NCAPG2: variants seen among roughly 807,000 people sequenced by gnomAD.
The protein encoded by NCAPG2 is non-SMC condensin II complex subunit G2, also known as condensin-2 complex subunit G2.
In NCAPG2, 53 loss-of-function variants were observed where a neutral mutation model predicts 141.1. The ratio of observed to expected loss-of-function variants is 0.38; its 90% CI spans 0.30 to 0.47. NCAPG2 has a LOEUF of 0.47. NCAPG2 is among the 20% of genes least tolerant of loss of function. The pLI, the probability that NCAPG2 is intolerant of heterozygous loss-of-function variation, is 0.99. For missense variants in NCAPG2, 1,087 were observed against 1,389.0 expected (o/e 0.78, Z 3.46); for synonymous variants, 499 against 490.7 (o/e 1.02, Z -0.22).
At chr7:158,692,231 C>G (rs1835159966) in intron 4 of NCAPG2, among the ~76,000 whole-genome samples, 1 of 152,090 alleles carries the variant, frequency 6.6e-6, no homozygotes, top group African/African-American at 2.4e-5. Context: ...AGCTAGAGGC[C>G]AGGAGGTCAG....
intron 4 of NCAPG2, among the ~76,000 whole-genome samples, 196 bp from the exon 5 acceptor site, chr7:158,690,918 C>T (rs950431439): frequency 1.3e-5 from 2 of 151,976 alleles, no homozygotes; most frequent in Non-Finnish European, 2.9e-5. Context: ...AACTGTTTGA[C>T]GATTGTTATA....
chr7:158,654,506 A>C (rs1349149886), intron 22 of NCAPG2, 89 bp downstream of exon 22: 1 of 1,285,244 alleles, frequency 7.8e-7, no homozygotes, highest in Non-Finnish European at 1.1e-6. Context: ...GTCACTTAAA[A>C]GTGAGAGTTC....
chr7:158,653,897 C>A (rs1390026794), intron 22 of NCAPG2, among the ~76,000 whole-genome samples: 1 of 152,178 alleles, frequency 6.6e-6, no homozygotes, highest in African/African-American at 2.4e-5. Flanking sequence ...GTCAGCTACA[C>A]CACAGAAGCG....
At chr7:158,704,587 C>G (rs571042754) in intron 1 of NCAPG2, 137 bp downstream of exon 1, 3 of 152,724 alleles carry the variant, frequency 2.0e-5, no homozygotes, top group South Asian at 2.0e-4. Context: ...CAGCACTGCC[C>G]GCACGCAGGT....
At chr7:158,660,876 G>C (rs1832442566) in intron 16 of NCAPG2, among the ~76,000 whole-genome samples, 1 of 152,086 alleles carries the variant, frequency 6.6e-6, no homozygotes, top group Admixed American at 6.5e-5. Context: ...TCTTATGGTA[G>C]TAAGTCTCAC....
chr7:158,636,824 G>A (rs1029277029), intron 27 of NCAPG2, among the ~76,000 whole-genome samples: 1 of 152,122 alleles, frequency 6.6e-6, no homozygotes, highest in African/African-American at 2.4e-5. Context: ...TGTGCCTGAT[G>A]GACCATTTAC....
chr7:158,681,422 T>C (rs997091252), intron 9 of NCAPG2, among the ~76,000 whole-genome samples: 1 of 152,212 alleles, frequency 6.6e-6, no homozygotes, highest in East Asian at 1.9e-4. Flanking sequence ...CAAAATTCTT[T>C]GTAGCCTCAT....
chr7:158,697,526 G>A (rs1405940082), intron 2 of NCAPG2, among the ~76,000 whole-genome samples: 4 of 151,894 alleles, frequency 2.6e-5, no homozygotes, highest in Admixed American at 6.6e-5. Context: ...ACTTGAACCC[G>A]GGAGGCGGAG....
intron 19 of NCAPG2, 107 bp downstream of exon 19, chr7:158,656,153 T>A (rs890908911): frequency 7.2e-7 from 1 of 1,385,012 alleles, no homozygotes; most frequent in Non-Finnish European, 9.9e-7. Flanking sequence ...CTCAATTCTG[T>A]TCCAGCCAGA....
intron 16 of NCAPG2, among the ~76,000 whole-genome samples, chr7:158,660,514 G>A (rs1029802957): frequency 2.0e-5 from 3 of 149,922 alleles, no homozygotes; most frequent in Non-Finnish European, 4.4e-5. Flanking sequence ...CAAACTCTGG[G>A]CTCAAGCAAT....
In NCAPG2 at chr7:158,663,507, G is replaced by GAT. The variant is rs200967411; in HGVS notation, c.1815+676_1815+677insAT. Among the ~76,000 whole-genome samples, 520 of 152,354 alleles carry GAT rather than the reference G, an allele frequency of 3.4e-3. 10 individuals carry two copies. In the East Asian group the frequency reaches 0.042, roughly 12 times the overall value. ...GAGAAAGCACCATGGGGCATGAGCA[G>GAT]GGCCTGGGTGAGCCATCTGCTGCCC... On this transcript the variant is annotated intron_variant, in intron 15 of 27. Coordinates refer to ENST00000356309, the MANE Select transcript of NCAPG2 (RefSeq NM_017760.7).
chr7:158,702,121 T>TA, intron 1 of NCAPG2, 183 bp from the exon 2 acceptor site: 1 of 456,488 alleles, frequency 2.2e-6, no homozygotes. Flanking sequence ...TTATTTCCTT[T>TA]ACTGGGGATG....
At chr7:158,679,677 T>C (rs1032189736) in intron 11 of NCAPG2, among the ~76,000 whole-genome samples, 1 of 152,136 alleles carries the variant, frequency 6.6e-6, no homozygotes, top group Non-Finnish European at 1.5e-5. Flanking sequence ...CACCTCTCCA[T>C]TGGGGAAACA....
chr7:158,679,863 G>A lies in NCAPG2; in HGVS notation c.1146+97C>T, dbSNP rs973511528. ...CATGCCATGTGGGAGCAGAGCTCTG[G>A]CGGTTACAGGGGAGGTGGGGACACA... On this transcript the variant is annotated intron_variant, in intron 11 of 27. Transcript: ENST00000356309. 1.0e-5 allele frequency: 15 copies of A among 1,449,484 alleles called. No individual in the cohort carries two copies. The African/African-American group carries it at 2.0e-4, about 19-fold the overall frequency. 89.8% of individuals were successfully genotyped at this position (1,449,484 alleles called of 1,614,324 possible).
chr7:158,631,734 G>A lies in NCAPG2; in HGVS notation c.3381-17C>T. The A allele has an allele frequency of 6.4e-7, 1 of 1,564,134 alleles. No homozygotes were observed. Among genetic ancestry groups the A allele is most frequent in the Non-Finnish European group, 8.8e-7 (1 of 1,138,686 alleles). On this transcript the variant is annotated splice_polypyrimidine_tract_variant and intron_variant, in intron 27 of 27. Coordinates refer to ENST00000356309, the MANE Select transcript of NCAPG2 (RefSeq NM_017760.7). ...TAGAGAAATCTGAAACACAAATAAAGAAATATTTAGCTACAGAAAAAAGTG... is the reference window on the plus strand; with the variant it reads ...TAGAGAAATCTGAAACACAAATAAAAAAATATTTAGCTACAGAAAAAAGTG...
rs547660809 is a variant in NCAPG2, at chr7:158,695,004, A to G, written c.79-1507T>C. Among the ~76,000 whole-genome samples, 24 of 152,288 alleles carry G rather than the reference A, an allele frequency of 1.6e-4. No homozygotes were observed. In the South Asian group the frequency reaches 2.9e-3, roughly 18 times the overall value. On this transcript the variant is annotated intron_variant, in intron 2 of 27. Coordinates refer to ENST00000356309, the MANE Select transcript of NCAPG2 (RefSeq NM_017760.7). ...CTACCTATAGACCCGACATTCAATC[A>G]TGAACAATTGAATAATTCTTTACGC...
intron 27 of NCAPG2, 94 bp downstream of exon 27, chr7:158,644,195 T>TTTAC: frequency 9.6e-7 from 1 of 1,042,246 alleles, no homozygotes; most frequent in Non-Finnish European, 1.5e-6. Flanking sequence ...ACCACCTGGG[T>TTTAC]GTAAGTAGCA....
At chr7:158,664,402 G>C (rs1832759993) in intron 14 of NCAPG2, 106 bp from the exon 15 acceptor site, 2 of 1,502,916 alleles carry the variant, frequency 1.3e-6, no homozygotes, top group South Asian at 1.2e-5. Context: ...ACTATTTTAA[G>C]GGAAATCATT....
Position 158,648,565 on chromosome 7 carries a change from C to T in NCAPG2, c.3076-2002G>A, listed in dbSNP as rs1215498842. On this transcript the variant is annotated intron_variant, in intron 24 of 27. Coordinates refer to ENST00000356309, the MANE Select transcript of NCAPG2 (RefSeq NM_017760.7). ...AACCACGGCAAATGGACGACAACCACGCCAAATGGACGACAACCACGCCAA... is the reference window on the plus strand; with the variant it reads ...AACCACGGCAAATGGACGACAACCATGCCAAATGGACGACAACCACGCCAA... Among the ~76,000 whole-genome samples, 164 of 131,958 alleles carry T rather than the reference C, an allele frequency of 1.2e-3. 9 individuals carry two copies. The highest frequency in any genetic ancestry group is 4.2e-3 in the African/African-American group (140 of 33,520). 86.6% of individuals were successfully genotyped at this position (131,958 alleles called of 152,430 possible).
Sources: gnomAD v4.1 joint callset for allele counts (sites outside exome capture counted in the v4.1 genomes callset) on GRCh38, gnomAD v4.1.1 for gene constraint, MANE v1.5 for transcripts, NCBI Gene and HGNC (gene_info 2026-07-23, HGNC 2026-07-21) for gene names.